The following RUNX1 variants were observed in gnomAD, a reference collection of about 807,000 sequenced individuals.
RUNX1 encodes RUNX family transcription factor 1.
RUNX1 carries 19 observed loss-of-function variants against 42.8 expected under a neutral mutation model. That is an observed-to-expected ratio of 0.44 (90% confidence interval 0.31 to 0.65). RUNX1 has a LOEUF of 0.65. Ranked by LOEUF, RUNX1 falls within the 30% of genes least tolerant of loss-of-function variation. The probability of loss-of-function intolerance (pLI) is 0.07; values close to 1 mark genes in which losing one functional copy is unlikely to be tolerated. For missense variants in RUNX1, 528 were observed against 672.0 expected (o/e 0.79, Z 2.37); for synonymous variants, 271 against 289.4 (o/e 0.94, Z 0.64).
rs1198642426 is a variant in RUNX1 at position 34,791,916 on chromosome 21, C to T, written c.*219G>A. 2.9e-5 allele frequency: 9 copies of T among 307,106 alleles called. No homozygotes were observed. In the Admixed American group the frequency reaches 3.7e-4, roughly 13 times the overall value. 19.0% of individuals were successfully genotyped at this position (307,106 alleles called of 1,614,324 possible). On this transcript the variant is annotated 3_prime_UTR_variant, in exon 9 of 9. Transcript: ENST00000675419. ...GTCGCCTCGGACACCTCCGCGAGGG[C>T]CGGGGCGCCAGCAGACGGCGGCGGC...
intron 2 of RUNX1, among the ~76,000 whole-genome samples, chr21:34,896,432 C>T (rs908488517): frequency 6.6e-6 from 1 of 152,174 alleles, no homozygotes; most frequent in African/African-American, 2.4e-5. Context: ...CCTGTAATCC[C>T]AGCACTTTGG....
chr21:34,861,770 G>C (rs187798302), intron 5 of RUNX1, among the ~76,000 whole-genome samples: 1 of 152,122 alleles, frequency 6.6e-6, no homozygotes, highest in African/African-American at 2.4e-5. Context: ...ATCTGGCAAC[G>C]GGCAGTCACT....
intron 2 of RUNX1, among the ~76,000 whole-genome samples, chr21:34,946,388 C>T (rs2058563290): frequency 6.6e-6 from 1 of 152,206 alleles, no homozygotes; most frequent in Non-Finnish European, 1.5e-5. Flanking sequence ...ACATTCCCCT[C>T]TCTGTCCCCT....
At chr21:34,911,180 A>G (rs1439830339) in intron 2 of RUNX1, among the ~76,000 whole-genome samples, 2 of 152,188 alleles carry the variant, frequency 1.3e-5, no homozygotes, top group Non-Finnish European at 2.9e-5. Flanking sequence ...GATATGCATC[A>G]TACAGCTGCT....
intron 2 of RUNX1, among the ~76,000 whole-genome samples, chr21:34,990,198 G>T (rs1001154057): frequency 1.3e-5 from 2 of 152,180 alleles, no homozygotes; most frequent in African/African-American, 4.8e-5. Context: ...GTAATCATCA[G>T]ATATTTCATG....
At chr21:34,950,788 T>C (rs1334911843) in intron 2 of RUNX1, among the ~76,000 whole-genome samples, 3 of 152,102 alleles carry the variant, frequency 2.0e-5, no homozygotes, top group Admixed American at 6.6e-5. Context: ...TCAGAGAGGA[T>C]ATGTGGTAGG....
At chr21:35,011,265 C>T (rs2059124564) in intron 2 of RUNX1, among the ~76,000 whole-genome samples, 2 of 152,174 alleles carry the variant, frequency 1.3e-5, no homozygotes, top group African/African-American at 4.8e-5. Context: ...GAAGATGCTT[C>T]ACCTTCTCAG....
intron 2 of RUNX1, among the ~76,000 whole-genome samples, chr21:34,968,829 A>G (rs1344959710): frequency 1.3e-5 from 2 of 152,144 alleles, no homozygotes; most frequent in Non-Finnish European, 2.9e-5. Flanking sequence ...AAGTGTTGTC[A>G]TTTCTGAACT....
intron 6 of RUNX1, among the ~76,000 whole-genome samples, chr21:34,851,700 C>T (rs563308179): frequency 7.2e-5 from 11 of 152,196 alleles, no homozygotes; most frequent in South Asian, 2.1e-4. Context: ...TATGGTTTTG[C>T]GAGGGTCCAG....
intron 2 of RUNX1, among the ~76,000 whole-genome samples, chr21:34,906,109 G>T (rs1049810611): frequency 1.3e-5 from 2 of 152,112 alleles, no homozygotes; most frequent in Non-Finnish European, 2.9e-5. Context: ...AAGTAAATGT[G>T]GTACTTTTCT....
intron 2 of RUNX1, among the ~76,000 whole-genome samples, chr21:34,899,461 G>A (rs1261346414): frequency 1.3e-5 from 2 of 151,650 alleles, no homozygotes; most frequent in African/African-American, 4.9e-5. Flanking sequence ...AATCGTGCTG[G>A]TACCCTGATC....
At chr21:34,962,957 G>A (rs895803987) in intron 2 of RUNX1, among the ~76,000 whole-genome samples, 2 of 152,184 alleles carry the variant, frequency 1.3e-5, no homozygotes, top group Non-Finnish European at 2.9e-5. Flanking sequence ...CCCAGCAAAC[G>A]GAGGGAAGGA....
intron 6 of RUNX1, among the ~76,000 whole-genome samples, chr21:34,853,051 G>C (rs1217232351): frequency 6.6e-6 from 1 of 152,140 alleles, no homozygotes; most frequent in Non-Finnish European, 1.5e-5. Flanking sequence ...ACCCAGACTT[G>C]GACCACTACT....
intron 2 of RUNX1, among the ~76,000 whole-genome samples, chr21:34,947,299 T>A (rs2058570419): frequency 6.6e-6 from 1 of 152,206 alleles, no homozygotes; most frequent in Non-Finnish European, 1.5e-5. Flanking sequence ...TACTCTCAGC[T>A]ATGTTGATGT....
intron 2 of RUNX1, among the ~76,000 whole-genome samples, chr21:34,934,885 C>A (rs1179093681): frequency 6.6e-6 from 1 of 152,116 alleles, no homozygotes; most frequent in East Asian, 1.9e-4. Context: ...AGACTTTCAG[C>A]TACTCATTAG....
chr21:35,042,243 A>G (rs1184051066), intron 2 of RUNX1, among the ~76,000 whole-genome samples: 2 of 152,208 alleles, frequency 1.3e-5, no homozygotes, highest in African/African-American at 4.8e-5. Context: ...TTTGCTTTCA[A>G]TGGGTCAACA....
chr21:35,043,989 T>C (rs1163953369), intron 2 of RUNX1, among the ~76,000 whole-genome samples: 3 of 152,186 alleles, frequency 2.0e-5, no homozygotes, highest in Admixed American at 2.0e-4. Context: ...AAAAGAGACA[T>C]CTCTGTTGTC....
At chr21:35,026,816 A>G (rs1459746876) in intron 2 of RUNX1, among the ~76,000 whole-genome samples, 1 of 152,244 alleles carries the variant, frequency 6.6e-6, no homozygotes, top group East Asian at 1.9e-4. Flanking sequence ...CCAGACAGGA[A>G]GGGAGGCGGT....
At chr21:34,961,373 AATG>A (rs1350986320) in intron 2 of RUNX1, among the ~76,000 whole-genome samples, 1 of 150,796 alleles carries the variant, frequency 6.6e-6, no homozygotes, top group Non-Finnish European at 1.5e-5. Flanking sequence ...TAATAATAAT[AATG>A]ATAATAATAA....
Sources: allele counts gnomAD v4.1 joint callset (sites outside exome capture counted in the v4.1 genomes callset), GRCh38; gene constraint gnomAD v4.1.1; transcripts MANE v1.5; gene names NCBI Gene and HGNC (gene_info 2026-07-23, HGNC 2026-07-21).